HPF1: variants seen among roughly 807,000 people sequenced by gnomAD.
HPF1 encodes histone PARylation factor 1.
Under a neutral mutation model 38.8 loss-of-function variants are expected in HPF1, and 35 were observed. That is an observed-to-expected ratio of 0.90 (90% CI 0.69 to 1.19). HPF1 has a LOEUF of 1.19. Among genes scored for constraint, HPF1 ranks in the 50% most tolerant of loss-of-function variants. The pLI, the probability that HPF1 is intolerant of heterozygous loss-of-function variation, is 0.00. For missense variants in HPF1, 367 were observed against 405.8 expected (o/e 0.90, Z 0.82); for synonymous variants, 115 against 139.2 (o/e 0.83, Z 1.22).
At chr4:169,750,976 G>C (rs917511925) in intron 2 of HPF1, among the ~76,000 whole-genome samples, 1 of 152,146 alleles carries the variant, frequency 6.6e-6, no homozygotes, top group Non-Finnish European at 1.5e-5. Flanking sequence ...AGACATTCCT[G>C]TTGTTTCTTA....
chr4:169,750,845 A>G, intron 2 of HPF1, 120 bp from the exon 3 acceptor site: 2 of 693,646 alleles, frequency 2.9e-6, no homozygotes, highest in Non-Finnish European at 4.6e-6. Context: ...AAAAATCTTG[A>G]GTTATGTGTG....
rs566858215 is a variant in HPF1, at chr4:169,731,889, A to G, written c.737-13T>C. On this transcript the variant is annotated splice_polypyrimidine_tract_variant and intron_variant, in intron 6 of 7. Coordinates refer to ENST00000393381, the MANE Select transcript of HPF1 (RefSeq NM_017867.3). Reference sequence around the variant, plus strand: ...CTCTTGAGGTCAGCTGAAAGAAATCAATAATATAAAAGATTATCTACATAG... The same window carrying G: ...CTCTTGAGGTCAGCTGAAAGAAATCGATAATATAAAAGATTATCTACATAG... 3 of 1,594,314 alleles carry G rather than the reference A, an allele frequency of 1.9e-6. No homozygotes were observed. Among genetic ancestry groups the G allele is most frequent in the African/African-American group, 2.7e-5 (2 of 74,542 alleles).
At chr4:169,752,168 CTTTTTTT>C (rs35247508) in intron 2 of HPF1, among the ~76,000 whole-genome samples, 1 of 107,200 alleles carries the variant, frequency 9.3e-6, no homozygotes, top group African/African-American at 3.7e-5. Flanking sequence ...ACAGGCATGA[CTTTTTTT>C]TTTTTTTTTT....
intron 2 of HPF1, among the ~76,000 whole-genome samples, chr4:169,752,166 G>T (rs1415620121): frequency 8.4e-6 from 1 of 118,526 alleles, no homozygotes; most frequent in Non-Finnish European, 1.7e-5. Context: ...ATACAGGCAT[G>T]ACTTTTTTTT....
rs2150287798 is a variant in HPF1, at chr4:169,729,922, A to G, written c.910-213T>C. Among the ~76,000 whole-genome samples, 4 of 152,304 alleles carry G rather than the reference A, an allele frequency of 2.6e-5. No individual in the cohort carries two copies. The Middle Eastern group carries it at 0.014, about 518-fold the overall frequency. ...TCTAGATGACTAATGGCATATCTTG[A>G]AAATTAAGAAAACCAAATTAAATCG... On this transcript the variant is annotated intron_variant, in intron 7 of 7. Coordinates refer to ENST00000393381, the MANE Select transcript of HPF1 (RefSeq NM_017867.3).
chr4:169,756,713 A>G (rs1734192493), intron 1 of HPF1, among the ~76,000 whole-genome samples: 1 of 152,260 alleles, frequency 6.6e-6, no homozygotes, highest in Non-Finnish European at 1.5e-5. Flanking sequence ...CATTACGGTT[A>G]TAGTCTCTAC....
chr4:169,755,837 G>A (rs547670514), intron 1 of HPF1, among the ~76,000 whole-genome samples: 2 of 152,218 alleles, frequency 1.3e-5, no homozygotes, highest in African/African-American at 4.8e-5. Context: ...AGGCTGAACG[G>A]ATAGGAGAGG....
Position 169,750,720 on chromosome 4 carries a change from G to A in HPF1, c.214C>T (p.Leu72Phe). The change falls in exon 3 of 8, where the codon CTT (leucine) becomes TTT (phenylalanine). Residue 72 changes from leucine (L) to phenylalanine (F), a missense_variant. Leu to Phe is a conservative substitution (Grantham distance 22). Coordinates refer to ENST00000393381, the MANE Select transcript of HPF1 (RefSeq NM_017867.3). ...ELDPEKPSDS[L>F]SASLGLQLVG... ...AATTGAAGTCCAAGGCTTGCAGAAA[G>A]TGAATCTATAAAGAAAATAAATTTA... is the stretch of plus-strand genomic sequence containing the variant. The A allele has an allele frequency of 1.3e-6, 2 of 1,597,778 alleles. No individual in the cohort carries two copies. Among genetic ancestry groups the A allele is most frequent in the South Asian group, 2.3e-5 (2 of 87,744 alleles).
chr4:169,741,991 T>C lies in HPF1; in HGVS notation c.614A>G (p.Gln205Arg), dbSNP rs752180450. 1.9e-6 allele frequency: 3 copies of C among 1,613,556 alleles called. No homozygotes were observed. The South Asian group carries it at 3.3e-5, about 18-fold the overall frequency. The change falls in exon 5 of 8, where the codon CAG (glutamine) becomes CGG (arginine). Residue 205 changes from glutamine to arginine, a missense_variant. By Grantham distance (43) the Gln-to-Arg change is conservative (BLOSUM62 1). Coordinates refer to ENST00000393381, the MANE Select transcript of HPF1 (RefSeq NM_017867.3). ...TCTCTGTTTCATCTTCACGGTTCTCTGTTCAAGCGAGTACCCCAATTCTCT... is the reference window on the plus strand; with the variant it reads ...TCTCTGTTTCATCTTCACGGTTCTCCGTTCAAGCGAGTACCCCAATTCTCT... ...AARELGYSLE[Q>R]RTVKMKQRDK... is the part of the protein sequence containing the mutation.
chr4:169,730,060 C>T (rs1733809879), intron 7 of HPF1, among the ~76,000 whole-genome samples: 2 of 152,164 alleles, frequency 1.3e-5, no homozygotes, highest in South Asian at 2.1e-4. Flanking sequence ...CTTTATTTTC[C>T]TCAATTCTGT....
chr4:169,747,723 T>A (rs1004896221), intron 4 of HPF1, among the ~76,000 whole-genome samples: 1 of 152,200 alleles, frequency 6.6e-6, no homozygotes, highest in African/African-American at 2.4e-5. Context: ...AGGCTCCACA[T>A]GGGACCTATC....
intron 4 of HPF1, among the ~76,000 whole-genome samples, chr4:169,744,192 G>A (rs568783491): frequency 2.1e-4 from 32 of 152,242 alleles, no homozygotes; most frequent in African/African-American, 7.7e-4. Context: ...AGTACCCTGT[G>A]CCACGTATTT....
At chr4:169,745,070 A>G (rs1734029419) in intron 4 of HPF1, among the ~76,000 whole-genome samples, 1 of 152,170 alleles carries the variant, frequency 6.6e-6, no homozygotes, top group Admixed American at 6.5e-5. Context: ...CTGGCTCTCA[A>G]CTCACTCGCC....
At chr4:169,740,465 A>G (rs997480032) in intron 5 of HPF1, among the ~76,000 whole-genome samples, 4 of 152,376 alleles carry the variant, frequency 2.6e-5, no homozygotes, top group Non-Finnish European at 5.9e-5. Flanking sequence ...ATCATACTAG[A>G]GTGGAAATAT....
At chr4:169,757,738 T>G (rs893770604) in intron 1 of HPF1, 92 bp downstream of exon 1, 1 of 1,203,516 alleles carries the variant, frequency 8.3e-7, no homozygotes, top group African/African-American at 1.5e-5. Flanking sequence ...GCAAGCTTAA[T>G]AGTCACTGGA....
At position 169,746,821 on chromosome 4, in the gene HPF1, A is replaced by G. The variant is rs143273035; in HGVS notation, c.497+1923T>C. Among the ~76,000 whole-genome samples the G allele has an allele frequency of 7.7e-3, 1,172 of 151,850 alleles. 6 individuals are homozygous for G. The highest frequency in any genetic ancestry group is 0.017 in the Middle Eastern group (5 of 294). ...ACCCCTGTTTGAGATAAATTATTGG[A>G]GGTAGTTCCTCAAATACTCACTTGC... On this transcript the variant is annotated intron_variant, in intron 4 of 7. Coordinates refer to ENST00000393381, the MANE Select transcript of HPF1 (RefSeq NM_017867.3).
intron 3 of HPF1, among the ~76,000 whole-genome samples, chr4:169,749,865 G>C (rs1455288137): frequency 6.6e-6 from 1 of 152,108 alleles, no homozygotes; most frequent in African/African-American, 2.4e-5. Context: ...CAAGGACCTA[G>C]TAAGTTAGGA....
rs34941625 is a variant in HPF1, at chr4:169,743,409, C to CTT, written c.498-1304_498-1303dup. 1.9e-3 allele frequency among the ~76,000 whole-genome samples: 132 copies of CTT among 69,728 alleles called. 2 individuals carry two copies. Among genetic ancestry groups the CTT allele is most frequent in the African/African-American group, 6.3e-3 (97 of 15,410 alleles). 45.7% of individuals were successfully genotyped at this position (69,728 alleles called of 152,430 possible). ...ACAGGCGTGAGCCACTGCCCCTGGC[C>CTT]TTTTTTTTTTTTTTTTTTTTTTTTT... On this transcript the variant is annotated intron_variant, in intron 4 of 7. Transcript: ENST00000393381.
intron 1 of HPF1, 133 bp from the exon 2 acceptor site, chr4:169,753,968 A>C (rs1418529925): frequency 1.0e-4 from 71 of 683,578 alleles, no homozygotes; most frequent in Non-Finnish European, 1.3e-4. Context: ...ATGGTCTTTG[A>C]GTAAAATCTG....
Sources: gnomAD v4.1 joint callset for allele counts (sites outside exome capture counted in the v4.1 genomes callset) on GRCh38, gnomAD v4.1.1 for gene constraint, MANE v1.5 for transcripts, NCBI Gene and HGNC (gene_info 2026-07-23, HGNC 2026-07-21) for gene names.